ADAMTS14: variants seen among roughly 807,000 people sequenced by gnomAD.
The protein encoded by ADAMTS14 is ADAM metallopeptidase with thrombospondin type 1 motif 14, also known as A disintegrin and metalloproteinase with thrombospondin motifs 14.
In ADAMTS14, 100 loss-of-function variants were observed where a neutral mutation model predicts 128.6. The ratio of observed to expected loss-of-function variants is 0.78; its 90% confidence interval spans 0.66 to 0.92. The LOEUF (loss-of-function observed/expected upper bound fraction) is 0.92. Ranked by LOEUF, ADAMTS14 falls within the 40% of genes least tolerant of loss-of-function variation. The pLI, the probability that ADAMTS14 is intolerant of heterozygous loss-of-function variation, is 0.00. For missense variants in ADAMTS14, 1,562 were observed against 1,658.6 expected, an observed-to-expected ratio of 0.94 and a Z score of 1.01; for synonymous variants, 665 against 653.8, an observed-to-expected ratio of 1.02 and a Z score of -0.26.
At chr10:70,759,953 T>G (rs569816587) in intron 21 of ADAMTS14, among the ~76,000 whole-genome samples, 46 of 152,292 alleles carry the variant, frequency 3.0e-4, no homozygotes, top group African/African-American at 1.0e-3. Context: ...TGAGGGCGAA[T>G]GGCGAAGGGC....
At chr10:70,732,164 C>G in intron 6 of ADAMTS14, 90 bp from the exon 7 acceptor site, 2 of 1,137,542 alleles carry the variant, frequency 1.8e-6, no homozygotes, top group Non-Finnish European at 2.6e-6. Context: ...CAAGCACTGA[C>G]CAGAGGGCTG....
chr10:70,712,982 T>G (rs1840908893), intron 4 of ADAMTS14, among the ~76,000 whole-genome samples: 1 of 152,188 alleles, frequency 6.6e-6, no homozygotes, highest in African/African-American at 2.4e-5. Flanking sequence ...CACCTGCTCC[T>G]CACTTCCAGG....
chr10:70,756,348 C>A (rs1842479223), intron 19 of ADAMTS14, among the ~76,000 whole-genome samples: 2 of 152,116 alleles, frequency 1.3e-5, no homozygotes. Context: ...TTTTATATGT[C>A]TCCATAATAT....
Position 70,757,964 on chromosome 10 carries a change from C to A in ADAMTS14, c.2940C>A (p.Cys980Ter). The A allele has an allele frequency of 6.2e-7, 1 of 1,608,840 alleles. No homozygotes were observed. Among genetic ancestry groups the A allele is most frequent in the Non-Finnish European group, 8.5e-7 (1 of 1,177,908 alleles). The change falls in exon 20 of 22, where the codon TGC becomes TGA. Residue 980 changes from cysteine to a stop codon, truncating the protein, a stop_gained and splice_region_variant. Coordinates refer to ENST00000373207, the MANE Select transcript of ADAMTS14 (RefSeq NM_080722.4). LOFTEE classifies it high-confidence loss of function. ...TGGCACTGACCCACCCACGGCAGTG[C>A]TCTGCCACCTGTGGAGAGGGCATCC... is the stretch of plus-strand genomic sequence containing the variant. ...AQWRLGAWSQ[C>*]SATCGEGIQQ...
chr10:70,704,629 GACAC>G (rs1057054686), intron 3 of ADAMTS14, among the ~76,000 whole-genome samples: 5 of 144,728 alleles, frequency 3.5e-5, no homozygotes, highest in Admixed American at 2.8e-4. Context: ...ATCACACATA[GACAC>G]ACACCACCCA....
intron 2 of ADAMTS14, among the ~76,000 whole-genome samples, chr10:70,695,334 A>T (rs558691958): frequency 2.0e-5 from 3 of 152,220 alleles, no homozygotes; most frequent in Admixed American, 6.5e-5. Flanking sequence ...AGCAAGCTGT[A>T]TGTGATTCAT....
At chr10:70,746,385 C>G (rs1589331807) in intron 15 of ADAMTS14, among the ~76,000 whole-genome samples, 1 of 152,136 alleles carries the variant, frequency 6.6e-6, no homozygotes, top group African/African-American at 2.4e-5. Context: ...AATCCACAGA[C>G]AGAGAGAGAA....
Position 70,745,377 on chromosome 10 carries a change from G to T in ADAMTS14, c.2263+71G>T. ...GCCCTCTGACTTGGGGGAGCTGGGAGACCAGAGGACAAGATTCTAGTACAA... is the reference window on the plus strand; with the variant it reads ...GCCCTCTGACTTGGGGGAGCTGGGATACCAGAGGACAAGATTCTAGTACAA... On this transcript the variant is annotated intron_variant, in intron 15 of 21. Transcript: ENST00000373207. 2.0e-6 allele frequency: 3 copies of T among 1,490,508 alleles called. No homozygotes were observed. In the South Asian group the frequency reaches 3.4e-5, roughly 17 times the overall value. 92.3% of individuals were successfully genotyped at this position (1,490,508 alleles called of 1,614,324 possible).
chr10:70,696,463 G>C (rs1208018699), intron 2 of ADAMTS14, among the ~76,000 whole-genome samples: 1 of 152,148 alleles, frequency 6.6e-6, no homozygotes, highest in Non-Finnish European at 1.5e-5. Flanking sequence ...ATGCTCATGT[G>C]AGGTGAGCTG....
rs10999519 is a variant in ADAMTS14 at position 70,760,904 on chromosome 10, T to C, written c.*51T>C. 0.18 allele frequency: 271,435 copies of C among 1,507,630 alleles called. 25,675 individuals are homozygous for C. Among genetic ancestry groups the C allele is most frequent in the East Asian group, 0.38 (16,373 of 43,632 alleles). The allele number at this position is 1,507,630 out of a possible 1,614,324, so 93.4% of individuals were successfully genotyped here. On this transcript the variant is annotated 3_prime_UTR_variant, in exon 22 of 22. Transcript: ENST00000373207. ...CGTTTACACTCTGTGTACTGCCCCG[T>C]GACTCCCAGCTCAGAGGACACACAT...
Position 70,761,217 on chromosome 10 carries a change from C to A in ADAMTS14, c.*364C>A. 1 of 201,508 alleles carries A rather than the reference C, an allele frequency of 5.0e-6. No individual in the cohort carries two copies. The allele number at this position is 201,508 out of a possible 1,614,324, so 12.5% of individuals were successfully genotyped here. A position where few individuals can be genotyped will look rare whatever the true frequency, so the allele number is the denominator to read the frequency against. ...CTGTAGCTAGAAGCTGTCAGGGCTGCCTGCCTTCCCGGAACTGTGAGGACC... is the reference window on the plus strand; with the variant it reads ...CTGTAGCTAGAAGCTGTCAGGGCTGACTGCCTTCCCGGAACTGTGAGGACC... On this transcript the variant is annotated 3_prime_UTR_variant, in exon 22 of 22. Coordinates refer to ENST00000373207, the MANE Select transcript of ADAMTS14 (RefSeq NM_080722.4).
chr10:70,729,304 T>G lies in ADAMTS14; in HGVS notation c.881T>G (p.Ile294Ser). 6.2e-7 allele frequency: 1 copy of G among 1,613,764 alleles called. No homozygotes were observed. The highest frequency in any genetic ancestry group is 8.5e-7 in the Non-Finnish European group (1 of 1,179,762). ...VLTLMNIVDE[I>S]YHDESLGVHI... ...ATTTTCTTCTTGCAGGTAGATGAGA[T>G]TTACCACGATGAGTCCCTGGGGGTT... Residue 294 changes from isoleucine (I) to serine (S), a missense_variant, in exon 5 of 22, where the codon ATT becomes AGT. Ile to Ser is a moderately radical substitution (Grantham distance 142). Coordinates refer to ENST00000373207, the MANE Select transcript of ADAMTS14 (RefSeq NM_080722.4).
At chr10:70,702,553 T>C in intron 3 of ADAMTS14, 85 bp downstream of exon 3, 3 of 1,490,674 alleles carry the variant, frequency 2.0e-6, no homozygotes, top group Admixed American at 2.3e-5. Context: ...AAGCTGTCCA[T>C]GTCTGGCCTC....
chr10:70,695,586 C>T (rs2132577099), intron 2 of ADAMTS14, among the ~76,000 whole-genome samples: 1 of 152,270 alleles, frequency 6.6e-6, no homozygotes, highest in African/African-American at 2.4e-5. Flanking sequence ...TTGAAAAGAC[C>T]TAGATCACTG....
chr10:70,731,614 C>G (rs1423661819), intron 6 of ADAMTS14, among the ~76,000 whole-genome samples: 1 of 152,222 alleles, frequency 6.6e-6, no homozygotes, highest in South Asian at 2.1e-4. Flanking sequence ...TCCTCCCCAC[C>G]TCTGAAGAGT....
chr10:70,740,374 T>C (rs527866882), intron 11 of ADAMTS14, among the ~76,000 whole-genome samples: 1 of 152,342 alleles, frequency 6.6e-6, no homozygotes, highest in Non-Finnish European at 1.5e-5. Flanking sequence ...AAAATACCTT[T>C]TCTTACTATT....
intron 2 of ADAMTS14, among the ~76,000 whole-genome samples, chr10:70,681,808 C>T (rs1280829596): frequency 2.0e-5 from 3 of 152,226 alleles, no homozygotes; most frequent in African/African-American, 7.2e-5. Context: ...TACATCTTGA[C>T]CTGCAGGCCT....
At chr10:70,714,407 G>C (rs963947929) in intron 4 of ADAMTS14, among the ~76,000 whole-genome samples, 1 of 152,180 alleles carries the variant, frequency 6.6e-6, no homozygotes, top group African/African-American at 2.4e-5. Context: ...CCGTGGGGCT[G>C]GGATCTGAGC....
rs981433497 is a variant in ADAMTS14 at position 70,760,214 on chromosome 10, C to T, written c.3179-146C>T. ...CTCTCCCGTCAGGTGGCTCTGTAGC[C>T]CCCACCCTGAGAAAAAGCTTTATAG... On this transcript the variant is annotated intron_variant, in intron 21 of 21. Transcript: ENST00000373207. 8 of 1,066,622 alleles carry T rather than the reference C, an allele frequency of 7.5e-6. No homozygotes were observed. The East Asian group carries it at 1.8e-4, about 25-fold the overall frequency. The allele number at this position is 1,066,622 out of a possible 1,614,324, so 66.1% of individuals were successfully genotyped here.
Sources: allele counts gnomAD v4.1 joint callset (sites outside exome capture counted in the v4.1 genomes callset), GRCh38; gene constraint gnomAD v4.1.1; transcripts MANE v1.5; gene names NCBI Gene and HGNC (gene_info 2026-07-23, HGNC 2026-07-21).